The following CUL1 variants were observed in gnomAD, a reference collection of about 807,000 sequenced individuals.
CUL1 encodes the protein cullin 1, also known as cullin-1.
In CUL1, 24 loss-of-function variants were observed where a neutral mutation model predicts 118.0. The ratio of observed to expected loss-of-function variants is 0.20; its 90% CI spans 0.15 to 0.29. The LOEUF is 0.29. Ranked by LOEUF, CUL1 falls within the 10% of genes least tolerant of loss-of-function variation. The pLI, the probability that CUL1 is intolerant of heterozygous loss-of-function variation, is 1.00. For missense variants in CUL1, 361 were observed against 933.8 expected (o/e 0.39, Z 7.99); for synonymous variants, 332 against 340.4 (o/e 0.98, Z 0.27).
chr7:148,754,140 A>C lies in CUL1; in HGVS notation c.305A>C (p.Asn102Thr). 6.2e-7 allele frequency: 1 copy of C among 1,600,312 alleles called. No individual in the cohort carries two copies. The highest frequency in any genetic ancestry group is 8.5e-7 in the Non-Finnish European group (1 of 1,171,210). ...GAATTTTTGAAGAATTACTTGACAA[A>C]TCTTCTTAAGGTAAGATGTTTTATA... ...LKEFLKNYLT[N>T]LLKDGEDLMD... is the part of the protein sequence containing the mutation. The change falls in exon 3 of 22, where the codon AAT becomes ACT. Residue 102 changes from asparagine to threonine, a missense_variant. Physicochemically the swap from Asn to Thr is moderately conservative, Grantham distance 65. This residue lies in a region of CUL1 where 49 missense variants were observed against 67.4 expected (regional missense o/e 0.73). Coordinates refer to ENST00000325222, the MANE Select transcript of CUL1 (RefSeq NM_003592.3).
In CUL1 at chr7:148,757,103, C is replaced by T. The variant is rs1297726612; in HGVS notation, c.436C>T (p.Arg146Cys). Reference sequence around the variant, plus strand: ...TGCCTACCTCAATAGACATTGGGTTCGCCGTGAATGTGACGAAGGACGAAA... The same window carrying T: ...TGCCTACCTCAATAGACATTGGGTTTGCCGTGAATGTGACGAAGGACGAAA... ...ICAYLNRHWVRRECDEGRKGI... is the reference protein window; with the variant it reads ...ICAYLNRHWVCRECDEGRKGI... The change falls in exon 4 of 22, where the codon CGC (arginine) becomes TGC (cysteine). Residue 146 changes from arginine to cysteine, a missense_variant. Coordinates refer to ENST00000325222, the MANE Select transcript of CUL1 (RefSeq NM_003592.3). 6.3e-7 allele frequency: 1 copy of T among 1,592,168 alleles called. No homozygotes were observed. The highest frequency in any genetic ancestry group is 8.5e-7 in the Non-Finnish European group (1 of 1,170,388).
intron 9 of CUL1, among the ~76,000 whole-genome samples, chr7:148,777,002 A>C (rs896940655): frequency 2.6e-5 from 4 of 152,232 alleles, no homozygotes; most frequent in South Asian, 2.1e-4. Context: ...TTCAAAGTTT[A>C]ACATTTTCGT....
intron 2 of CUL1, among the ~76,000 whole-genome samples, chr7:148,739,421 G>A (rs1799069179): frequency 6.6e-6 from 1 of 152,214 alleles, no homozygotes; most frequent in South Asian, 2.1e-4. Context: ...AAGCACAGTT[G>A]ATCCTGTTCT....
At chr7:148,762,071 C>T (rs1799848717) in intron 7 of CUL1, among the ~76,000 whole-genome samples, 1 of 152,168 alleles carries the variant, frequency 6.6e-6, no homozygotes. Flanking sequence ...AGGCCACAGA[C>T]CCATACTGGC....
chr7:148,746,981 A>G (rs895683673), intron 2 of CUL1, among the ~76,000 whole-genome samples: 5 of 152,176 alleles, frequency 3.3e-5, no homozygotes, highest in South Asian at 2.1e-4. Flanking sequence ...GTTTTTTGCC[A>G]TTAGGAGCAA....
intron 9 of CUL1, among the ~76,000 whole-genome samples, chr7:148,774,641 TA>T (rs1366229002): frequency 6.6e-6 from 1 of 152,186 alleles, no homozygotes; most frequent in Non-Finnish European, 1.5e-5. Flanking sequence ...AGGGCAGAAG[TA>T]GCAACAAAAA....
chr7:148,788,589 T>G lies in CUL1; in HGVS notation c.1512T>G (p.Leu504=), dbSNP rs1800896835. Residue 504 remains leucine (L), a synonymous_variant, in exon 14 of 22, where the codon CTT becomes CTG. Coordinates refer to ENST00000325222, the MANE Select transcript of CUL1 (RefSeq NM_003592.3). ...GCGGGTTCGAGTACACCTCTAAACT[T>G]CAGCGCATGTTTCAAGACATTGGCG... is the stretch of plus-strand genomic sequence containing the variant. The part of the protein sequence containing the change: ...QACGFEYTSK[L]QRMFQDIGVS... 1 of 1,614,020 alleles carries G rather than the reference T, an allele frequency of 6.2e-7. No homozygotes were observed. Among genetic ancestry groups the G allele is most frequent in the African/African-American group, 1.3e-5 (1 of 74,928 alleles).
chr7:148,792,944 T>C (rs1801066697), intron 17 of CUL1, 126 bp downstream of exon 17: 1 of 637,512 alleles, frequency 1.6e-6, no homozygotes, highest in Non-Finnish European at 2.7e-6. Context: ...GCCTCATGAA[T>C]ATGAATATGG....
At chr7:148,727,071 G>A (rs562789855) in intron 1 of CUL1, among the ~76,000 whole-genome samples, 12 of 152,110 alleles carry the variant, frequency 7.9e-5, no homozygotes, top group Admixed American at 2.0e-4. Flanking sequence ...GAGCGTAGAC[G>A]ATGTCTGTTT....
At chr7:148,747,855 A>G (rs1278515934) in intron 2 of CUL1, among the ~76,000 whole-genome samples, 1 of 152,254 alleles carries the variant, frequency 6.6e-6, no homozygotes, top group Admixed American at 6.5e-5. Context: ...GAAAGTTTGA[A>G]CAAAGATAAA....
At chr7:148,723,065 A>C (rs927094611) in intron 1 of CUL1, among the ~76,000 whole-genome samples, 1 of 151,656 alleles carries the variant, frequency 6.6e-6, no homozygotes, top group African/African-American at 2.4e-5. Flanking sequence ...AATCCTCACC[A>C]CAAACCCATG....
intron 2 of CUL1, among the ~76,000 whole-genome samples, chr7:148,743,731 C>T (rs1381767165): frequency 6.6e-6 from 1 of 152,196 alleles, no homozygotes; most frequent in African/African-American, 2.4e-5. Flanking sequence ...AGTTCAAGAC[C>T]AGCCTGGCCA....
At chr7:148,774,426 A>G (rs1800329998) in intron 9 of CUL1, among the ~76,000 whole-genome samples, 1 of 152,214 alleles carries the variant, frequency 6.6e-6, no homozygotes, top group Non-Finnish European at 1.5e-5. Context: ...TTATAGCACA[A>G]TGCCAAAATA....
intron 17 of CUL1, among the ~76,000 whole-genome samples, chr7:148,797,559 G>A (rs1801246163): frequency 6.6e-6 from 1 of 152,070 alleles, no homozygotes; most frequent in Admixed American, 6.5e-5. Context: ...TAACAGAATT[G>A]TTCATTTCTA....
At chr7:148,720,456 G>A (rs916275611) in intron 1 of CUL1, among the ~76,000 whole-genome samples, 2 of 152,160 alleles carry the variant, frequency 1.3e-5, no homozygotes, top group Non-Finnish European at 2.9e-5. Flanking sequence ...ATGCAGAAGG[G>A]GGAGTGAGTT....
At chr7:148,726,832 C>CA (rs1293721147) in intron 1 of CUL1, among the ~76,000 whole-genome samples, 4 of 103,968 alleles carry the variant, frequency 3.8e-5, no homozygotes, top group African/African-American at 1.4e-4. Context: ...CCCATCTCTA[C>CA]CAAAAAAAAA....
intron 2 of CUL1, among the ~76,000 whole-genome samples, chr7:148,734,772 G>C (rs566457749): frequency 6.6e-6 from 1 of 152,162 alleles, no homozygotes; most frequent in Non-Finnish European, 1.5e-5. Context: ...GGCCTAGCTC[G>C]TGCAGGTGTC....
intron 2 of CUL1, among the ~76,000 whole-genome samples, chr7:148,731,061 A>G (rs945065669): frequency 2.2e-4 from 34 of 152,256 alleles, no homozygotes; most frequent in African/African-American, 8.0e-4. Context: ...AGTATTTAAA[A>G]AGAATTTTAT....
intron 1 of CUL1, among the ~76,000 whole-genome samples, chr7:148,708,278 C>T (rs1268715403): frequency 1.3e-5 from 2 of 152,180 alleles, no homozygotes; most frequent in Non-Finnish European, 2.9e-5. Context: ...TTGGCTTGCC[C>T]CAAACTGATC....
Sources: gnomAD v4.1 joint callset for allele counts (sites outside exome capture counted in the v4.1 genomes callset) on GRCh38, gnomAD v4.1.1 for gene constraint, gnomAD v4.1.1 regional missense constraint, MANE v1.5 for transcripts, NCBI Gene and HGNC (gene_info 2026-07-23, HGNC 2026-07-21) for gene names.